The following TNK2 variants were observed in gnomAD, a reference collection of about 807,000 sequenced individuals.
TNK2 encodes tyrosine kinase non receptor 2.
Under a neutral mutation model 101.8 loss-of-function variants are expected in TNK2, and 83 were observed. The observed-to-expected ratio is 0.82, with a 90% CI of 0.68 to 0.98. The LOEUF is 0.98. Among genes scored for constraint, TNK2 ranks in the 50% least tolerant of loss-of-function variants. The pLI is 0.00. For missense variants in TNK2, 1,665 were observed against 1,483.2 expected, an observed-to-expected ratio of 1.12 and a Z score of -2.01; for synonymous variants, 804 against 633.0, an observed-to-expected ratio of 1.27 and a Z score of -4.06.
intron 15 of TNK2, 93 bp downstream of exon 15, chr3:195,866,796 G>A (rs1025153431): frequency 8.6e-6 from 13 of 1,506,262 alleles, no homozygotes; most frequent in South Asian, 2.5e-5. Context: ...GGCCGGGAGC[G>A]GCCTGCGAGG....
chr3:195,908,108 T>C (rs966140819), intron 1 of TNK2: 2 of 152,448 alleles, frequency 1.3e-5, no homozygotes, highest in Admixed American at 6.5e-5. Flanking sequence ...TTTTGAGGAC[T>C]TGTGTGTTGA....
intron 1 of TNK2, among the ~76,000 whole-genome samples, chr3:195,906,153 A>G (rs1010704956): frequency 2.0e-5 from 3 of 152,230 alleles, no homozygotes; most frequent in African/African-American, 7.2e-5. Flanking sequence ...GTCTAAAATT[A>G]GAGACTGACC....
rs907394814 is a variant in TNK2, at chr3:195,886,886, C to G, written c.234+91G>C. On this transcript the variant is annotated intron_variant, in intron 3 of 15. Transcript: ENST00000672887. The surrounding 1 kb of genome is among the most constrained non-coding windows in gnomAD (Gnocchi z 4.2). ...GGCAGAACGGCGAGATTCGACCTGC[C>G]GGGGAGCTGGGGAAGGTTCCCAGGA... The G allele has an allele frequency of 9.5e-5, 135 of 1,423,218 alleles. No individual in the cohort carries two copies. The highest frequency in any genetic ancestry group is 1.2e-4 in the Non-Finnish European group (124 of 1,006,930). The allele number at this position is 1,423,218 out of a possible 1,614,324, so 88.2% of individuals were successfully genotyped here.
intron 1 of TNK2, among the ~76,000 whole-genome samples, chr3:195,899,520 C>T (rs879364355): frequency 2.0e-5 from 3 of 152,060 alleles, no homozygotes; most frequent in South Asian, 2.1e-4. Flanking sequence ...AGAGTTGAGA[C>T]GGGGTTTCAC....
intron 1 of TNK2, among the ~76,000 whole-genome samples, chr3:195,903,362 G>A (rs1761417375): frequency 6.6e-6 from 1 of 152,178 alleles, no homozygotes; most frequent in South Asian, 2.1e-4. Flanking sequence ...TCTTAATGGT[G>A]AGAGACTAAA....
intron 2 of TNK2, among the ~76,000 whole-genome samples, chr3:195,887,914 A>T (rs536581445): frequency 7.6e-6 from 1 of 131,666 alleles, no homozygotes; most frequent in Non-Finnish European, 1.5e-5. Flanking sequence ...GTGCACGTGC[A>T]TGCGTGCGTG....
intron 9 of TNK2, 174 bp from the exon 10 acceptor site, chr3:195,872,644 GT>G: frequency 1.6e-6 from 1 of 641,574 alleles, no homozygotes; most frequent in Non-Finnish European, 2.6e-6. Context: ...ACCATGCCCC[GT>G]ACAGGCCTGT....
intron 1 of TNK2, chr3:195,895,629 C>T: frequency 7.8e-7 from 1 of 1,285,538 alleles, no homozygotes. Flanking sequence ...CCACCGAGAG[C>T]CGGGGCTCTG....
intron 1 of TNK2, among the ~76,000 whole-genome samples, chr3:195,906,300 A>G (rs1037177246): frequency 6.6e-6 from 1 of 152,198 alleles, no homozygotes; most frequent in African/African-American, 2.4e-5. Flanking sequence ...CTACCACATG[A>G]CCCAGCCATT....
intron 1 of TNK2, among the ~76,000 whole-genome samples, chr3:195,906,440 T>G (rs773280263): frequency 6.6e-6 from 1 of 152,158 alleles, no homozygotes; most frequent in Non-Finnish European, 1.5e-5. Context: ...GGCACACGTG[T>G]ACAATGACTG....
At chr3:195,871,501 A>G (rs528614220) in intron 10 of TNK2, among the ~76,000 whole-genome samples, 1 of 152,228 alleles carries the variant, frequency 6.6e-6, no homozygotes, top group Admixed American at 6.5e-5. Context: ...CAGGAGAAGG[A>G]AAACCACTGC....
At position 195,868,594 on chromosome 3, in the gene TNK2, C is replaced by T. The variant is rs374901476; in HGVS notation, c.1704G>A (p.Ala568=). Reference sequence around the variant, plus strand: ...GGCTGGCCTTGGTGCCCGGCACCCGCGCCGAGGGCTTCGCCAGCCACAGCC... The same window carrying T: ...GGCTGGCCTTGGTGCCCGGCACCCGTGCCGAGGGCTTCGCCAGCCACAGCC... ...PRGLWLAKPS[A]RVPGTKASRG... Residue 568 remains alanine, a synonymous_variant, in exon 13 of 16, where the codon GCG becomes GCA. Transcript: ENST00000672887. 354 of 1,577,776 alleles carry T rather than the reference C, an allele frequency of 2.2e-4. No homozygotes were observed. The African/African-American group carries it at 3.1e-3, about 14-fold the overall frequency.
intron 1 of TNK2, among the ~76,000 whole-genome samples, chr3:195,899,042 G>A (rs963078754): frequency 2.6e-5 from 4 of 152,012 alleles, no homozygotes; most frequent in African/African-American, 9.7e-5. Context: ...GTTGCAGTGA[G>A]CCAAGATCGT....
chr3:195,871,897 G>A (rs1352726094), intron 10 of TNK2, among the ~76,000 whole-genome samples: 1 of 151,868 alleles, frequency 6.6e-6, no homozygotes, highest in Non-Finnish European at 1.5e-5. Flanking sequence ...CATTCCCCTG[G>A]AGAACGCTCC....
chr3:195,888,736 G>A lies in TNK2; in HGVS notation c.-18-130C>T, dbSNP rs1757186439. 15 of 893,034 alleles carry A rather than the reference G, an allele frequency of 1.7e-5. No homozygotes were observed. Among genetic ancestry groups the A allele is most frequent in the South Asian group, 1.3e-4 (7 of 55,548 alleles). The allele number at this position is 893,034 out of a possible 1,614,324, so 55.3% of individuals were successfully genotyped here. On this transcript the variant is annotated intron_variant, in intron 1 of 15. Transcript: ENST00000672887. This position sits in a 1 kb window ranked among gnomAD's most constrained non-coding sequence, Gnocchi z 5.3. ...GGGCTCACACCACCTTCTGACTCCC[G>A]AGGGAAGCTACCGAGAACCGCCTGG...
intron 9 of TNK2, among the ~76,000 whole-genome samples, chr3:195,874,714 T>C (rs11720562): frequency 0.13 from 129 of 1,014 alleles, 35 homozygotes; most frequent in East Asian, 0.67. Flanking sequence ...CAAGAAACTC[T>C]CCCTCGGGAT....
In TNK2 at chr3:195,882,387, C is replaced by T. The variant is rs996317958; in HGVS notation, c.610-59G>A. Reference sequence around the variant, plus strand: ...GGAGGACCCTGCCCCTTCTCAGCAGCCCACGCTGGGCCCCCAGTCCCCTTC... The same window carrying T: ...GGAGGACCCTGCCCCTTCTCAGCAGTCCACGCTGGGCCCCCAGTCCCCTTC... On this transcript the variant is annotated intron_variant, in intron 5 of 15. Coordinates refer to ENST00000672887, the MANE Select transcript of TNK2 (RefSeq NM_001382273.1). This position sits in a 1 kb window ranked among gnomAD's most constrained non-coding sequence, Gnocchi z 4.2. 1.9e-6 allele frequency: 3 copies of T among 1,598,272 alleles called. No homozygotes were observed. The African/African-American group carries it at 4.0e-5, about 21-fold the overall frequency.
chr3:195,906,371 C>T (rs547572787), intron 1 of TNK2, among the ~76,000 whole-genome samples: 1 of 152,190 alleles, frequency 6.6e-6, no homozygotes, highest in South Asian at 2.1e-4. Flanking sequence ...GACTAACAAA[C>T]ACGTTCACAG....
chr3:195,892,073 GT>G (rs1758712735), intron 1 of TNK2: 6 of 919,234 alleles, frequency 6.5e-6, no homozygotes, highest in Non-Finnish European at 8.1e-6. Flanking sequence ...TCCCCTCTAA[GT>G]CCCCCTCCAG....
Sources: allele counts gnomAD v4.1 joint callset (sites outside exome capture counted in the v4.1 genomes callset), GRCh38; gene constraint gnomAD v4.1.1; non-coding constraint Gnocchi (gnomAD v3.1); transcripts MANE v1.5; gene names NCBI Gene and HGNC (gene_info 2026-07-23, HGNC 2026-07-21).